The following HIPK3 variants were observed in gnomAD, a reference collection of about 807,000 sequenced individuals.
HIPK3 encodes homeodomain-interacting protein kinase 3.
In HIPK3, 47 loss-of-function variants were observed where a neutral mutation model predicts 124.2. The ratio of observed to expected loss-of-function variants is 0.38; its 90% CI spans 0.30 to 0.48. HIPK3 has a LOEUF of 0.48. Among genes scored for constraint, HIPK3 ranks in the 20% least tolerant of loss-of-function variants. HIPK3 has a pLI of 0.98. For synonymous variants in HIPK3, 482 were observed against 515.2 expected (o/e 0.94, Z 0.87); for missense variants, 1,286 against 1,454.3 (o/e 0.88, Z 1.88).
At chr11:33,279,674 G>A (rs1851362743) in intron 1 of HIPK3, among the ~76,000 whole-genome samples, 1 of 152,138 alleles carries the variant, frequency 6.6e-6, no homozygotes, top group South Asian at 2.1e-4. Context: ...AAAATAAGAT[G>A]TATATGGTAG....
chr11:33,258,502 A>T, intron 1 of HIPK3: 1 of 985,094 alleles, frequency 1.0e-6, no homozygotes, highest in African/African-American at 1.7e-5. Flanking sequence ...GAGAAATGTG[A>T]TCCGCGGCTC....
At chr11:33,325,536 G>A (rs1852784607) in intron 2 of HIPK3, among the ~76,000 whole-genome samples, 1 of 152,072 alleles carries the variant, frequency 6.6e-6, no homozygotes, top group Non-Finnish European at 1.5e-5. Context: ...ATCTTTTTTA[G>A]TATAGGTTAA....
At chr11:33,294,087 G>A (rs565569966) in intron 2 of HIPK3, among the ~76,000 whole-genome samples, 33 of 151,586 alleles carry the variant, frequency 2.2e-4, no homozygotes, top group Non-Finnish European at 4.4e-4. Flanking sequence ...CCGGGAGGCG[G>A]AGGTTGCACC....
chr11:33,263,669 G>A (rs1469818323), intron 1 of HIPK3, among the ~76,000 whole-genome samples: 1 of 152,168 alleles, frequency 6.6e-6, no homozygotes, highest in East Asian at 1.9e-4. Context: ...GTGAAAAATT[G>A]TAATAGCTTG....
At chr11:33,349,320 TAGTA>T (rs771931799) in intron 14 of HIPK3, 33 bp downstream of exon 14, 22 of 1,554,408 alleles carry the variant, frequency 1.4e-5, no homozygotes, top group South Asian at 1.2e-4. Flanking sequence ...GTGTAATAAA[TAGTA>T]AGTCTACTAA....
At chr11:33,333,470 G>A (rs1853048896) in intron 3 of HIPK3, among the ~76,000 whole-genome samples, 1 of 152,096 alleles carries the variant, frequency 6.6e-6, no homozygotes, top group South Asian at 2.1e-4. Flanking sequence ...TTCTGACATA[G>A]TTAATCTGAT....
intron 2 of HIPK3, among the ~76,000 whole-genome samples, chr11:33,308,613 G>GGTGTGTGTGTGT (rs10628141): frequency 1.4e-5 from 2 of 147,374 alleles, no homozygotes; most frequent in South Asian, 2.2e-4. Context: ...TGTGCCTAGG[G>GGTGTGTGTGTGT]GTGTGTGTGT....
chr11:33,260,142 A>G (rs866849035), intron 1 of HIPK3, among the ~76,000 whole-genome samples: 94 of 152,274 alleles, frequency 6.2e-4, no homozygotes, highest in African/African-American at 2.3e-3. Context: ...CTTCTTGTAA[A>G]CATGTTTGAA....
chr11:33,318,233 T>C (rs572536077), intron 2 of HIPK3, among the ~76,000 whole-genome samples: 13 of 152,214 alleles, frequency 8.5e-5, no homozygotes, highest in African/African-American at 3.1e-4. Context: ...AAATTTTTTT[T>C]ATTTTTATTT....
Position 33,339,247 on chromosome 11 carries a change from C to T in HIPK3, c.1429-103C>T, listed in dbSNP as rs918920857. On this transcript the variant is annotated intron_variant, in intron 5 of 16. Transcript: ENST00000303296. The stretch of plus-strand genomic sequence containing the variant: ...TTTTAAGATAATTGTAGTTCCCTCT[C>T]CTCTCCTGTGTTGTGATTTTTGTTT... 7 of 771,524 alleles carry T rather than the reference C, an allele frequency of 9.1e-6. No individual in the cohort carries two copies. In the East Asian group the frequency reaches 9.9e-5, roughly 11 times the overall value. 47.8% of individuals were successfully genotyped at this position (771,524 alleles called of 1,614,324 possible).
At chr11:33,258,203 C>CGGG in intron 1 of HIPK3, 6 of 486,776 alleles carry the variant, frequency 1.2e-5, no homozygotes, top group Non-Finnish European at 1.6e-5. Context: ...CCGGGGGCCT[C>CGGG]GGCCCCCCCT....
At chr11:33,256,732 C>A (rs1850675052), upstream of HIPK3, 1 of 983,310 alleles carries the variant, frequency 1.0e-6, no homozygotes, top group Non-Finnish European at 1.2e-6. Flanking sequence ...ACTAATTTAA[C>A]GGAGAATTAC....
At chr11:33,267,678 A>G (rs1851008045) in intron 1 of HIPK3, among the ~76,000 whole-genome samples, 1 of 151,048 alleles carries the variant, frequency 6.6e-6, no homozygotes, top group Admixed American at 6.6e-5. Context: ...TTGTATTTTT[A>G]GTAGAGATGG....
At position 33,286,933 on chromosome 11, in the gene HIPK3, G is replaced by GT; in HGVS notation, c.519_520insT (p.Asn174Ter). The GT allele has an allele frequency of 6.2e-7, 1 of 1,614,194 alleles. No homozygotes were observed. ...TGACAGCTACCACAGGATCAAAACA[G>GT]AATTGTACCACTGGAGAAGGTGACT... On this transcript the variant is annotated frameshift_variant, in exon 2 of 17. Transcript: ENST00000303296. LOFTEE classifies it high-confidence loss of function.
rs74963990 is a variant in HIPK3 at position 33,352,285 on chromosome 11, T to C, written c.3171+20T>C. 3,105 of 1,612,102 alleles carry C rather than the reference T, an allele frequency of 1.9e-3. 52 individuals carry two copies. In the African/African-American group the frequency reaches 0.036, roughly 19 times the overall value. ...AGTCAGGTATGTTCATTTGTGGATA[T>C]GTAGGAGTCTGTGGGATTCAAATTT... On this transcript the variant is annotated intron_variant, in intron 16 of 16. Transcript: ENST00000303296.
At chr11:33,305,973 C>T (rs1852146989) in intron 2 of HIPK3, among the ~76,000 whole-genome samples, 1 of 152,040 alleles carries the variant, frequency 6.6e-6, no homozygotes, top group Admixed American at 6.6e-5. Flanking sequence ...CTCAAGCGTT[C>T]CTCTTGCCTC....
chr11:33,285,206 C>A (rs1257103147), intron 1 of HIPK3, among the ~76,000 whole-genome samples: 1 of 152,102 alleles, frequency 6.6e-6, no homozygotes. Flanking sequence ...TTTTTGGATG[C>A]AGGCATAAAA....
Position 33,347,833 on chromosome 11 carries a change from G to A in HIPK3, c.2145-19G>A. 2 of 1,614,044 alleles carry A rather than the reference G, an allele frequency of 1.2e-6. No homozygotes were observed. Among genetic ancestry groups the A allele is most frequent in the Non-Finnish European group, 1.7e-6 (2 of 1,179,930 alleles). ...AAGAAAGATCTTGATTAAAAACATT[G>A]TTCTGAACTTCTCCCTAGGAAGATG... On this transcript the variant is annotated intron_variant, in intron 10 of 16. Coordinates refer to ENST00000303296, the MANE Select transcript of HIPK3 (RefSeq NM_005734.5).
intron 2 of HIPK3, 145 bp downstream of exon 2, chr11:33,287,656 G>C (rs1227574956): frequency 3.3e-6 from 3 of 900,064 alleles, no homozygotes; most frequent in Admixed American, 2.8e-5. Context: ...TCGTTTTAAA[G>C]AGATTAAAAA....
Sources: allele counts gnomAD v4.1 joint callset (sites outside exome capture counted in the v4.1 genomes callset), GRCh38; gene constraint gnomAD v4.1.1; transcripts MANE v1.5; gene names NCBI Gene and HGNC (gene_info 2026-07-23, HGNC 2026-07-21).